The following XKR9 variants were observed in gnomAD, a reference collection of about 807,000 sequenced individuals.
The protein encoded by XKR9 is XK-related protein 9.
XKR9 carries 32 observed loss-of-function variants against 32.0 expected under a neutral mutation model. The observed-to-expected ratio is 1.00, with a 90% CI of 0.76 to 1.34. The LOEUF is 1.34. XKR9 is among the 40% of genes most tolerant of loss of function. The pLI is 0.00. For missense variants in XKR9, 546 were observed against 429.7 expected, an observed-to-expected ratio of 1.27 and a Z score of -2.39; for synonymous variants, 168 against 143.4, an observed-to-expected ratio of 1.17 and a Z score of -1.22.
chr8:70,970,307 T>G, the XKR9 span, among the ~76,000 whole-genome samples: 2 of 152,116 alleles, frequency 1.3e-5, no homozygotes, highest in Non-Finnish European at 2.9e-5. Context: ...AGTTCTGTTT[T>G]TTTATTGTAG....
chr8:70,738,950 A>G (rs564153833), downstream of XKR9, among the ~76,000 whole-genome samples: 56 of 152,250 alleles, frequency 3.7e-4, no homozygotes, highest in African/African-American at 1.3e-3. Context: ...TATTCTGTTG[A>G]TTTGGGGTGG....
the XKR9 span, among the ~76,000 whole-genome samples, chr8:70,893,072 G>A: frequency 6.6e-6 from 1 of 151,578 alleles, no homozygotes; most frequent in African/African-American, 2.4e-5. Context: ...AATTTCTAAT[G>A]ACCTATCTTC....
chr8:70,866,471 G>C, the XKR9 span, among the ~76,000 whole-genome samples: 1 of 152,196 alleles, frequency 6.6e-6, no homozygotes, highest in Non-Finnish European at 1.5e-5. Flanking sequence ...GGTGGGGCCA[G>C]GCAGTTAGAG....
chr8:70,810,736 C>A, the XKR9 span, among the ~76,000 whole-genome samples: 3 of 152,190 alleles, frequency 2.0e-5, no homozygotes, highest in African/African-American at 4.8e-5. Flanking sequence ...ACAAGAAGAG[C>A]TCACTATCCT....
chr8:71,034,515 C>T, the XKR9 span, among the ~76,000 whole-genome samples: 1 of 152,198 alleles, frequency 6.6e-6, no homozygotes, highest in African/African-American at 2.4e-5. Flanking sequence ...CACCTGTTTG[C>T]TGGAACATTC....
At chr8:70,802,828 A>T in the XKR9 span, among the ~76,000 whole-genome samples, 1 of 152,242 alleles carries the variant, frequency 6.6e-6, no homozygotes, top group East Asian at 1.9e-4. Flanking sequence ...CTCTGCTGTT[A>T]GCCTGATGGG....
intron 3 of XKR9, among the ~76,000 whole-genome samples, chr8:70,701,319 G>A (rs189135568): frequency 2.6e-5 from 4 of 152,252 alleles, no homozygotes; most frequent in South Asian, 4.1e-4. Context: ...GTTCCTATTC[G>A]TCCATCTTGG....
chr8:70,709,375 CTTT>C (rs1380604981), intron 4 of XKR9, among the ~76,000 whole-genome samples: 1 of 152,134 alleles, frequency 6.6e-6, no homozygotes, highest in Non-Finnish European at 1.5e-5. Context: ...GGAAGCATTC[CTTT>C]TGAGAACTGG....
chr8:70,796,267 A>G, the XKR9 span, among the ~76,000 whole-genome samples: 122 of 152,068 alleles, frequency 8.0e-4, 1 homozygote, highest in South Asian at 5.6e-3. Flanking sequence ...CTTTGTTCAT[A>G]TGTACCAGAT....
chr8:70,906,340 T>G, the XKR9 span, among the ~76,000 whole-genome samples: 1 of 152,206 alleles, frequency 6.6e-6, no homozygotes, highest in Non-Finnish European at 1.5e-5. Context: ...AGTCTAATGT[T>G]CAGAATAGAA....
At chr8:70,960,961 G>A in the XKR9 span, among the ~76,000 whole-genome samples, 1 of 151,922 alleles carries the variant, frequency 6.6e-6, no homozygotes, top group African/African-American at 2.4e-5. Flanking sequence ...CCTGAGGTCA[G>A]GAGTTTGAGA....
At chr8:70,855,072 G>T in the XKR9 span, among the ~76,000 whole-genome samples, 6 of 152,124 alleles carry the variant, frequency 3.9e-5, no homozygotes, top group African/African-American at 9.7e-5. Flanking sequence ...GTCATTGGTA[G>T]CTTGATGGGG....
At chr8:70,980,028 G>A in the XKR9 span, among the ~76,000 whole-genome samples, 1 of 152,256 alleles carries the variant, frequency 6.6e-6, no homozygotes, top group Admixed American at 6.5e-5. Flanking sequence ...TGCTGCGCTA[G>A]CAGTGAGCAA....
At chr8:70,815,474 A>G in the XKR9 span, among the ~76,000 whole-genome samples, 13 of 151,794 alleles carry the variant, frequency 8.6e-5, no homozygotes, top group African/African-American at 2.7e-4. Context: ...GCCTCCATCC[A>G]TGGTCCCTAC....
chr8:70,943,385 G>C, the XKR9 span, among the ~76,000 whole-genome samples: 1 of 152,158 alleles, frequency 6.6e-6, no homozygotes, highest in Admixed American at 6.5e-5. Context: ...TGTTAAGGAA[G>C]TAAGAGGAAT....
At chr8:70,976,260 A>AT in the XKR9 span, among the ~76,000 whole-genome samples, 85,630 of 151,904 alleles carry the variant, frequency 0.56, 25,136 homozygotes, top group African/African-American at 0.62. Context: ...TTTCAACACT[A>AT]GTTGAATAGG....
the XKR9 span, among the ~76,000 whole-genome samples, chr8:71,018,262 A>G: frequency 2.6e-5 from 4 of 152,222 alleles, no homozygotes; most frequent in Non-Finnish European, 5.9e-5. Context: ...GCATATAGGC[A>G]TACAGATAAT....
chr8:70,728,513 G>T (rs1806553173), intron 4 of XKR9, among the ~76,000 whole-genome samples: 1 of 152,120 alleles, frequency 6.6e-6, no homozygotes, highest in Non-Finnish European at 1.5e-5. Context: ...TAAGGTAAAT[G>T]ATGACTCTAG....
downstream of XKR9, among the ~76,000 whole-genome samples, chr8:70,736,743 G>C (rs1489565697): frequency 6.6e-6 from 1 of 151,944 alleles, no homozygotes; most frequent in African/African-American, 2.4e-5. Flanking sequence ...CCCATTGCTT[G>C]TTTTTGTCAG....
Sources: gnomAD v4.1 joint callset for allele counts (sites outside exome capture counted in the v4.1 genomes callset) on GRCh38, gnomAD v4.1.1 for gene constraint, MANE v1.5 for transcripts, NCBI Gene and HGNC (gene_info 2026-07-23, HGNC 2026-07-21) for gene names.